GUF1: variants seen among roughly 807,000 people sequenced by gnomAD.
GUF1 encodes GTP binding elongation factor GUF1, also known as translation factor GUF1, mitochondrial.
Under a neutral mutation model 82.4 loss-of-function variants are expected in GUF1, and 78 were observed. That is an observed-to-expected ratio of 0.95 (90% confidence interval 0.79 to 1.14). The LOEUF (loss-of-function observed/expected upper bound fraction) is 1.14, where lower values mean the gene tolerates loss of function less well. GUF1 is among the 50% of genes most tolerant of loss of function. GUF1 has a pLI of 0.00. For missense variants in GUF1, 814 were observed against 798.2 expected (o/e 1.02, Z -0.24); for synonymous variants, 279 against 282.3 (o/e 0.99, Z 0.12).
In GUF1 at chr4:44,695,673, A is replaced by C. The variant is rs751307612; in HGVS notation, c.1774A>C (p.Arg592=). ...TGAACGGCTGAAGGATTCTCTTCCT[A>C]GGCAACTGTTTGAGATAGCAATTCA... The part of the protein sequence containing the change: ...ICERLKDSLP[R]QLFEIAIQAA... The change falls in exon 15 of 17, where the codon AGG becomes CGG. Residue 592 remains arginine, a synonymous_variant. Transcript: ENST00000281543. The C allele has an allele frequency of 1.2e-6, 2 of 1,613,440 alleles. No individual in the cohort carries two copies. The highest frequency in any genetic ancestry group is 3.3e-5 in the Admixed American group (2 of 59,998).
Position 44,690,738 on chromosome 4 carries a change from A to C in GUF1, c.1357A>C (p.Thr453Pro). ...LIKEHREKEI[T>P]IINPAQFPDK... ...TTAGGAACATAGAGAAAAAGAAATT[A>C]CAATTATCAATCCTGCACAATTCCC... Residue 453 changes from threonine (T) to proline (P), a missense_variant, in exon 12 of 17, where the codon ACA (threonine) becomes CCA (proline). By Grantham distance (38) the Thr-to-Pro change is conservative (BLOSUM62 -1). Transcript: ENST00000281543. 6.4e-7 allele frequency: 1 copy of C among 1,568,606 alleles called. No individual in the cohort carries two copies. Among genetic ancestry groups the C allele is most frequent in the African/African-American group, 1.4e-5 (1 of 73,678 alleles).
At position 44,678,767 on chromosome 4, in the gene GUF1, T is replaced by C; in HGVS notation, c.145T>C (p.Tyr49His). 3.2e-6 allele frequency: 5 copies of C among 1,554,416 alleles called. No individual in the cohort carries two copies. The highest frequency in any genetic ancestry group is 2.6e-5 in the East Asian group (1 of 39,194). Reference sequence around the variant, plus strand: ...AGAGTCCTGGGCTACCGACAGGCTCTACAGCTCCGCAGAATTCAAGGTGAC... The same window carrying C: ...AGAGTCCTGGGCTACCGACAGGCTCCACAGCTCCGCAGAATTCAAGGTGAC... ...APESWATDRL[Y>H]SSAEFKEKLD... The change falls in exon 1 of 17, where the codon TAC becomes CAC. Residue 49 changes from tyrosine to histidine, a missense_variant. Tyr to His is a moderately conservative substitution (Grantham distance 83, BLOSUM62 2). Coordinates refer to ENST00000281543, the MANE Select transcript of GUF1 (RefSeq NM_021927.3).
chr4:44,691,764 T>G lies in GUF1; in HGVS notation c.1578T>G (p.Tyr526Ter), dbSNP rs1337189573. The G allele has an allele frequency of 1.9e-6, 3 of 1,596,950 alleles. No individual in the cohort carries two copies. The highest frequency in any genetic ancestry group is 2.6e-6 in the Non-Finnish European group (3 of 1,171,068). The change falls in exon 13 of 17, where the codon TAT becomes TAG. Residue 526 changes from tyrosine (Y) to a stop codon, truncating the protein, a stop_gained. Transcript: ENST00000281543. LOFTEE classifies it high-confidence loss of function. ...FPLNEIVVDF[Y>*]DSLKSLSSGY... ...TGAATGAAATTGTGGTAGATTTTTA[T>G]GACTCTTTGAAATCCCTATCTTCTG... is the stretch of plus-strand genomic sequence containing the variant.
intron 4 of GUF1, among the ~76,000 whole-genome samples, chr4:44,681,705 T>C (rs1212382557): frequency 6.6e-6 from 1 of 152,138 alleles, no homozygotes; most frequent in Non-Finnish European, 1.5e-5. Context: ...ATATAAACTT[T>C]TGTTACATGT....
At chr4:44,695,027 G>A (rs55806023) in intron 14 of GUF1, among the ~76,000 whole-genome samples, 7,598 of 152,112 alleles carry the variant, frequency 0.05, 245 homozygotes, top group Non-Finnish European at 0.074. Context: ...GGATGGTCTC[G>A]ATCTCTTGAC....
At chr4:44,683,869 A>C (rs1425151669) in intron 6 of GUF1, among the ~76,000 whole-genome samples, 1 of 152,146 alleles carries the variant, frequency 6.6e-6, no homozygotes, top group East Asian at 1.9e-4. Flanking sequence ...CCAAACTGCT[A>C]TACTACATGG....
intron 9 of GUF1, 92 bp downstream of exon 9, chr4:44,688,238 T>C: frequency 1.6e-6 from 2 of 1,220,736 alleles, no homozygotes; most frequent in Non-Finnish European, 2.3e-6. Context: ...CACATTCTGG[T>C]TATTTTAAAT....
rs1244138573 is a variant in GUF1 at position 44,680,458 on chromosome 4, TA to T, written c.184del (p.Arg62GlyfsTer23). 1 of 1,593,122 alleles carries T rather than the reference TA, an allele frequency of 6.3e-7. No individual in the cohort carries two copies. Among genetic ancestry groups the T allele is most frequent in the African/African-American group, 1.3e-5 (1 of 74,432 alleles). ...AEFKEKLDMS[R>X]FPVENIRNFS... ...CTTTCTAGGAAAAACTTGACATGTCTAGGTTTCCTGTTGAAAATATTAGAAA... is the reference window on the plus strand; with the variant it reads ...CTTTCTAGGAAAAACTTGACATGTCTGGTTTCCTGTTGAAAATATTAGAAA... On this transcript the variant is annotated frameshift_variant, in exon 2 of 17. Transcript: ENST00000281543. LOFTEE classifies it high-confidence loss of function.
At position 44,678,529 on chromosome 4, in the gene GUF1, C is replaced by A. The variant is rs1362604957; in HGVS notation, c.-94C>A. ...TTCACAGGATCTGTTTGAGTCCTGT[C>A]CACCGGATCCTACGGGGGGTACCTT... On this transcript the variant is annotated 5_prime_UTR_variant, in exon 1 of 17. Coordinates refer to ENST00000281543, the MANE Select transcript of GUF1 (RefSeq NM_021927.3). The A allele has an allele frequency of 1.9e-6, 2 of 1,031,974 alleles. No homozygotes were observed. The highest frequency in any genetic ancestry group is 2.6e-6 in the Non-Finnish European group (2 of 759,924). 63.9% of individuals were successfully genotyped at this position (1,031,974 alleles called of 1,614,324 possible).
rs926773787 is a variant in GUF1 at position 44,691,658 on chromosome 4, C to CT, written c.1480-3dup. 1.3e-6 allele frequency: 2 copies of CT among 1,582,946 alleles called. No individual in the cohort carries two copies. Among genetic ancestry groups the CT allele is most frequent in the Admixed American group, 1.7e-5 (1 of 57,198 alleles). On this transcript the variant is annotated splice_region_variant and splice_polypyrimidine_tract_variant and intron_variant, in intron 12 of 16. Transcript: ENST00000281543. ...TCATTAAACCCATTTTCTTCCTTCC[C>CT]TTTTTAGGCTCGAAGAGCAGTTCAG...
At chr4:44,690,299 T>A (rs1256254134) in intron 11 of GUF1, among the ~76,000 whole-genome samples, 1 of 151,792 alleles carries the variant, frequency 6.6e-6, no homozygotes, top group Admixed American at 6.6e-5. Flanking sequence ...AGATGAAAAA[T>A]GTAATTTTGG....
chr4:44,688,496 CTGAG>C (rs1053247852), intron 9 of GUF1, among the ~76,000 whole-genome samples: 4 of 151,882 alleles, frequency 2.6e-5, no homozygotes, highest in African/African-American at 9.7e-5. Context: ...TAGACACTGA[CTGAG>C]TGCCTTCATC....
At chr4:44,679,345 G>C (rs1714632678) in intron 1 of GUF1, among the ~76,000 whole-genome samples, 1 of 152,168 alleles carries the variant, frequency 6.6e-6, no homozygotes, top group African/African-American at 2.4e-5. Context: ...CTCAGCCAGA[G>C]CAAACCTGTG....
chr4:44,692,227 T>C (rs1227281514), intron 13 of GUF1, among the ~76,000 whole-genome samples: 3 of 151,970 alleles, frequency 2.0e-5, no homozygotes, highest in Non-Finnish European at 4.4e-5. Context: ...ATGTTAGATG[T>C]GCCGCTCCAT....
intron 4 of GUF1, chr4:44,682,074 A>G (rs145735670): frequency 5.1e-4 from 137 of 269,802 alleles, no homozygotes; most frequent in Non-Finnish European, 7.7e-4. Flanking sequence ...AAGGCTTCCT[A>G]TCTCAAGCTT....
chr4:44,698,480 G>GTAATCA, intron 16 of GUF1, 64 bp from the exon 17 acceptor site: 1 of 1,295,912 alleles, frequency 7.7e-7, no homozygotes, highest in Non-Finnish European at 1.1e-6. Context: ...TGATGCCGCT[G>GTAATCA]TAATCATATG....
intron 8 of GUF1, 36 bp downstream of exon 8, chr4:44,686,749 TGTATGTG>T: frequency 7.5e-7 from 1 of 1,332,230 alleles, no homozygotes. Flanking sequence ...AAAATGCATT[TGTATGTG>T]GTTCTATTTC....
At chr4:44,697,227 G>C (rs1223496191) in intron 15 of GUF1, among the ~76,000 whole-genome samples, 181 bp from the exon 16 acceptor site, 1 of 152,034 alleles carries the variant, frequency 6.6e-6, no homozygotes, top group African/African-American at 2.4e-5. Context: ...TTTATACCAA[G>C]TACATGAAAA....
At chr4:44,687,940 A>C in intron 8 of GUF1, 67 bp from the exon 9 acceptor site, 1 of 1,422,402 alleles carries the variant, frequency 7.0e-7, no homozygotes, top group Admixed American at 1.9e-5. Flanking sequence ...GGAAGGTAGA[A>C]CTAATTGTGA....
Sources: allele counts gnomAD v4.1 joint callset (sites outside exome capture counted in the v4.1 genomes callset), GRCh38; gene constraint gnomAD v4.1.1; transcripts MANE v1.5; gene names NCBI Gene and HGNC (gene_info 2026-07-23, HGNC 2026-07-21).